Variants in CCDC102B observed in about 807,000 individuals in gnomAD.
The protein encoded by CCDC102B is coiled-coil domain containing 102B, also known as coiled-coil domain-containing protein 102B.
A neutral mutation model predicts 57.4 loss-of-function variants in CCDC102B; 75 were observed. That is an observed-to-expected ratio of 1.31 (90% CI 1.08 to 1.58). CCDC102B has a LOEUF of 1.58. CCDC102B is among the 40% of genes most tolerant of loss of function. CCDC102B has a pLI of 0.00. For missense variants in CCDC102B, 636 were observed against 582.6 expected, an observed-to-expected ratio of 1.09 and a Z score of -0.94; for synonymous variants, 206 against 201.9, an observed-to-expected ratio of 1.02 and a Z score of -0.17.
chr18:69,016,485 A>G (rs1163589683), intron 7 of CCDC102B, among the ~76,000 whole-genome samples: 3 of 152,208 alleles, frequency 2.0e-5, no homozygotes, highest in Non-Finnish European at 4.4e-5. Flanking sequence ...ATTAGGAAAT[A>G]TCATGCAAAA....
At chr18:68,865,129 A>G (rs1326352632) in intron 4 of CCDC102B, among the ~76,000 whole-genome samples, 1 of 152,090 alleles carries the variant, frequency 6.6e-6, no homozygotes, top group Non-Finnish European at 1.5e-5. Context: ...ATTCACTCAC[A>G]AATCAGGTTG....
intron 6 of CCDC102B, among the ~76,000 whole-genome samples, chr18:68,924,428 T>C (rs1391473783): frequency 6.6e-6 from 1 of 152,078 alleles, no homozygotes; most frequent in Non-Finnish European, 1.5e-5. Flanking sequence ...GGTGTCTTGC[T>C]TCCTCTCTGC....
intron 6 of CCDC102B, among the ~76,000 whole-genome samples, chr18:68,994,532 G>A (rs147170335): frequency 1.1e-3 from 152 of 135,304 alleles, no homozygotes; most frequent in African/African-American, 3.1e-3. Context: ...CTCCTCCCCC[G>A]TGTAAAGGGA....
At chr18:68,987,785 C>A (rs1299153438) in intron 6 of CCDC102B, among the ~76,000 whole-genome samples, 8 of 151,614 alleles carry the variant, frequency 5.3e-5, no homozygotes, top group South Asian at 2.1e-4. Context: ...CCAAAAAAAA[C>A]CATGAAAAAA....
intron 7 of CCDC102B, among the ~76,000 whole-genome samples, chr18:69,025,611 T>A (rs1398184561): frequency 6.6e-6 from 1 of 152,170 alleles, no homozygotes; most frequent in Non-Finnish European, 1.5e-5. Flanking sequence ...AAGTTATAGA[T>A]CATAAAGCAC....
chr18:69,016,238 C>T (rs1162745697), intron 7 of CCDC102B, among the ~76,000 whole-genome samples: 1 of 152,020 alleles, frequency 6.6e-6, no homozygotes, highest in Non-Finnish European at 1.5e-5. Flanking sequence ...TAACCGACCA[C>T]TTTAATAAAT....
intron 6 of CCDC102B, among the ~76,000 whole-genome samples, chr18:68,938,527 A>C (rs1172118407): frequency 6.6e-6 from 1 of 151,866 alleles, no homozygotes; most frequent in Non-Finnish European, 1.5e-5. Flanking sequence ...ATATCTTATA[A>C]CTTAAAAATG....
At chr18:68,959,946 G>A (rs958256967) in intron 6 of CCDC102B, among the ~76,000 whole-genome samples, 13 of 151,986 alleles carry the variant, frequency 8.6e-5, no homozygotes, top group African/African-American at 3.1e-4. Flanking sequence ...CCAAGGCCTG[G>A]ACTCAGGTAC....
chr18:68,857,353 A>AT (rs2038518782), intron 4 of CCDC102B, among the ~76,000 whole-genome samples: 1 of 102,298 alleles, frequency 9.8e-6, no homozygotes. Flanking sequence ...TATATTATAA[A>AT]TATATATATT....
chr18:68,737,209 G>A (rs192780215), intron 2 of CCDC102B, among the ~76,000 whole-genome samples: 3 of 152,146 alleles, frequency 2.0e-5, no homozygotes, highest in African/African-American at 4.8e-5. Flanking sequence ...CTGGGCACCC[G>A]AAAACAAAGT....
intron 1 of CCDC102B, among the ~76,000 whole-genome samples, chr18:68,832,924 A>G (rs984987300): frequency 1.3e-5 from 2 of 152,070 alleles, no homozygotes; most frequent in African/African-American, 4.8e-5. Context: ...AGAGGGATGG[A>G]CAGGCCTGGA....
intron 2 of CCDC102B, among the ~76,000 whole-genome samples, chr18:68,781,115 ATGT>A (rs1346871078): frequency 1.3e-5 from 2 of 152,050 alleles, no homozygotes; most frequent in African/African-American, 2.4e-5. Context: ...CAACATCATG[ATGT>A]TGTTAGTAAT....
At chr18:68,886,433 A>G (rs545661135) in intron 5 of CCDC102B, among the ~76,000 whole-genome samples, 2 of 97,324 alleles carry the variant, frequency 2.1e-5, no homozygotes, top group East Asian at 8.5e-4. Context: ...GTATTTGGAT[A>G]TTAACAGCAA....
chr18:68,784,459 A>C (rs1238486445), intron 2 of CCDC102B, among the ~76,000 whole-genome samples: 15 of 152,058 alleles, frequency 9.9e-5, no homozygotes, highest in Non-Finnish European at 2.2e-4. Flanking sequence ...CACCTCCAAC[A>C]CTGGGGATTA....
chr18:68,722,784 A>T (rs986283926), intron 2 of CCDC102B, among the ~76,000 whole-genome samples: 1 of 152,104 alleles, frequency 6.6e-6, no homozygotes, highest in Non-Finnish European at 1.5e-5. Context: ...CAAAGCAAAT[A>T]TACTTGGCTT....
chr18:68,964,355 A>G (rs2050118439), intron 6 of CCDC102B, among the ~76,000 whole-genome samples: 2 of 151,170 alleles, frequency 1.3e-5, no homozygotes, highest in African/African-American at 4.8e-5. Flanking sequence ...TGAATACAAA[A>G]TTGTCTTCAT....
At chr18:68,933,328 C>T (rs1175843021) in intron 6 of CCDC102B, among the ~76,000 whole-genome samples, 2 of 151,828 alleles carry the variant, frequency 1.3e-5, no homozygotes, top group African/African-American at 2.4e-5. Context: ...TTTTTCACAA[C>T]TTGAAATTGA....
chr18:68,846,354 C>A lies in CCDC102B; in HGVS notation c.869C>A (p.Ser290Ter), dbSNP rs372574927. 4 of 1,579,748 alleles carry A rather than the reference C, an allele frequency of 2.5e-6. No individual in the cohort carries two copies. The South Asian group carries it at 4.6e-5, about 18-fold the overall frequency. The change falls in exon 4 of 8, where the codon TCG becomes TAG. Residue 290 changes from serine to a stop codon, truncating the protein, a stop_gained. Coordinates refer to ENST00000360242, the MANE Select transcript of CCDC102B (RefSeq NM_024781.3). LOFTEE classifies it high-confidence loss of function. ...GAAAAAGAAATAGAGAGACTGGAGT[C>A]GGCTTTGTCTCTGTGGAAGTGGAAG... The part of the protein sequence containing the change: ...ALEKEIERLE[S>*]ALSLWKWKYE...
At chr18:68,909,503 G>A (rs2040762865) in intron 6 of CCDC102B, among the ~76,000 whole-genome samples, 1 of 152,126 alleles carries the variant, frequency 6.6e-6, no homozygotes, top group Non-Finnish European at 1.5e-5. Context: ...CAAAGTAAAA[G>A]CATGCACTTC....
Sources: gnomAD v4.1 joint callset for allele counts (sites outside exome capture counted in the v4.1 genomes callset) on GRCh38, gnomAD v4.1.1 for gene constraint, MANE v1.5 for transcripts, NCBI Gene and HGNC (gene_info 2026-07-23, HGNC 2026-07-21) for gene names.